Variants in PTPRA observed in about 807,000 individuals in gnomAD.
The protein encoded by PTPRA is receptor-type tyrosine-protein phosphatase alpha.
A neutral mutation model predicts 104.8 loss-of-function variants in PTPRA; 25 were observed. The ratio of observed to expected loss-of-function variants is 0.24; its 90% CI spans 0.17 to 0.33. PTPRA has a LOEUF of 0.33. PTPRA is among the 10% of genes least tolerant of loss of function. The pLI, the probability that PTPRA is intolerant of heterozygous loss-of-function variation, is 1.00. For missense variants in PTPRA, 765 were observed against 1,015.3 expected, an observed-to-expected ratio of 0.75 and a Z score of 3.35; for synonymous variants, 323 against 368.9, an observed-to-expected ratio of 0.88 and a Z score of 1.43.
intron 3 of PTPRA, among the ~76,000 whole-genome samples, chr20:2,957,023 C>T (rs751021069): frequency 1.3e-4 from 20 of 152,214 alleles, no homozygotes; most frequent in Admixed American, 3.3e-4. Context: ...CAGTGGCTCA[C>T]GCCTGTAATC....
intron 1 of PTPRA, among the ~76,000 whole-genome samples, chr20:2,910,796 G>A (rs1282597210): frequency 2.7e-5 from 4 of 150,430 alleles, no homozygotes; most frequent in African/African-American, 7.3e-5. Context: ...TAGTAGAGAC[G>A]GGGTTTCACT....
At chr20:2,971,109 C>G (rs1448908732) in intron 5 of PTPRA, among the ~76,000 whole-genome samples, 3 of 152,062 alleles carry the variant, frequency 2.0e-5, no homozygotes, top group Non-Finnish European at 4.4e-5. Context: ...ATTTAATATC[C>G]AGTAAAATGA....
intron 11 of PTPRA, among the ~76,000 whole-genome samples, chr20:3,013,262 C>CT (rs1394299306): frequency 1.3e-5 from 2 of 152,160 alleles, no homozygotes; most frequent in African/African-American, 2.4e-5. Flanking sequence ...AAAGTGGGGT[C>CT]TGTAGTTTGG....
intron 2 of PTPRA, among the ~76,000 whole-genome samples, chr20:2,942,057 A>G (rs569010075): frequency 1.5e-3 from 228 of 152,356 alleles, no homozygotes; most frequent in Middle Eastern, 6.8e-3. Context: ...TAGTAGAAGG[A>G]ACAGGGCCTA....
chr20:3,028,177 C>T (rs557578327), intron 20 of PTPRA, among the ~76,000 whole-genome samples: 1 of 150,410 alleles, frequency 6.6e-6, no homozygotes, highest in African/African-American at 2.5e-5. Flanking sequence ...TGCACAGTGC[C>T]CCAGGCGGGG....
chr20:2,956,330 T>G (rs2061534289), intron 3 of PTPRA, among the ~76,000 whole-genome samples: 1 of 152,204 alleles, frequency 6.6e-6, no homozygotes, highest in Non-Finnish European at 1.5e-5. Flanking sequence ...CACTGTAATG[T>G]ACAGGCCCCT....
intron 1 of PTPRA, among the ~76,000 whole-genome samples, chr20:2,904,446 G>A (rs994278472): frequency 4.0e-5 from 6 of 151,876 alleles, no homozygotes; most frequent in Non-Finnish European, 8.8e-5. Context: ...CGAGGTGGGC[G>A]GATCGTGAGG....
chr20:2,910,570 C>G (rs1442746771), intron 1 of PTPRA, among the ~76,000 whole-genome samples: 2 of 118,046 alleles, frequency 1.7e-5, no homozygotes, highest in Non-Finnish European at 3.4e-5. Context: ...TGCTATCATG[C>G]CCAGCTAGTT....
At chr20:2,914,679 A>G (rs1189370444) in intron 1 of PTPRA, among the ~76,000 whole-genome samples, 1 of 152,132 alleles carries the variant, frequency 6.6e-6, no homozygotes, top group African/African-American at 2.4e-5. Flanking sequence ...TGTGCATGCT[A>G]ACCTTGCTCA....
intron 6 of PTPRA, 111 bp downstream of exon 6, chr20:2,975,352 GT>G: frequency 1.0e-6 from 1 of 955,618 alleles, no homozygotes; most frequent in Non-Finnish European, 1.5e-6. Flanking sequence ...TGTGTTGTTT[GT>G]TTACTTTCCC....
intron 2 of PTPRA, among the ~76,000 whole-genome samples, chr20:2,927,467 T>C (rs1043888420): frequency 1.3e-5 from 2 of 152,220 alleles, no homozygotes; most frequent in African/African-American, 4.8e-5. Flanking sequence ...TGCCTGTTAT[T>C]ATAGTTTCAC....
In PTPRA at chr20:3,037,310, TC is replaced by T. The variant is rs750415127; in HGVS notation, c.2334+24del. 4 of 1,612,564 alleles carry T rather than the reference TC, an allele frequency of 2.5e-6. No homozygotes were observed. In the African/African-American group the frequency reaches 5.3e-5, roughly 22 times the overall value. The stretch of plus-strand genomic sequence containing the variant: ...CACTGGTATGCTGCCCACATATTTG[TC>T]CCTGCCACCACACCACCTGCAGCCC... On this transcript the variant is annotated intron_variant, in intron 23 of 23. Coordinates refer to ENST00000399903, the MANE Select transcript of PTPRA (RefSeq NM_001385305.1). This position sits in a 1 kb window ranked among gnomAD's most constrained non-coding sequence, Gnocchi z 4.3.
chr20:3,015,931 A>G, intron 12 of PTPRA, 46 bp downstream of exon 12: 2 of 1,521,752 alleles, frequency 1.3e-6, no homozygotes, highest in African/African-American at 1.4e-5. Context: ...CCATGATCAC[A>G]TAATGGGTTT....
chr20:2,993,996 C>T (rs1414538689), intron 9 of PTPRA, among the ~76,000 whole-genome samples: 1 of 152,154 alleles, frequency 6.6e-6, no homozygotes, highest in Non-Finnish European at 1.5e-5. Context: ...TGTGAAGCCA[C>T]CTCAGGCCAA....
intron 2 of PTPRA, among the ~76,000 whole-genome samples, chr20:2,946,859 A>AT (rs998928711): frequency 4.0e-5 from 6 of 150,976 alleles, no homozygotes; most frequent in African/African-American, 7.3e-5. Context: ...GAAAAAAAAA[A>AT]AATAATAATA....
intron 1 of PTPRA, among the ~76,000 whole-genome samples, chr20:2,893,055 A>G (rs939602513): frequency 1.3e-5 from 2 of 152,242 alleles, no homozygotes; most frequent in African/African-American, 2.4e-5. Context: ...ATGGTATCCA[A>G]CGGCTCTTGA....
At chr20:3,004,309 C>T (rs6132999) in intron 9 of PTPRA, among the ~76,000 whole-genome samples, 10,998 of 152,286 alleles carry the variant, frequency 0.072, 918 homozygotes, top group African/African-American at 0.19. Context: ...TGAGCCACTT[C>T]ACCCGGCCCC....
chr20:2,939,178 T>C (rs901678925), intron 2 of PTPRA, among the ~76,000 whole-genome samples: 4 of 152,168 alleles, frequency 2.6e-5, no homozygotes, highest in Non-Finnish European at 5.9e-5. Context: ...CTTATGCCTT[T>C]TGCTGTGTTG....
chr20:2,992,233 C>T (rs948081034), intron 9 of PTPRA, among the ~76,000 whole-genome samples: 4 of 152,140 alleles, frequency 2.6e-5, no homozygotes, highest in Admixed American at 6.6e-5. Flanking sequence ...ACCTAGTTTA[C>T]GAGACCGGCC....
Sources: gnomAD v4.1 joint callset for allele counts (sites outside exome capture counted in the v4.1 genomes callset) on GRCh38, gnomAD v4.1.1 for gene constraint, Gnocchi (gnomAD v3.1) non-coding constraint, MANE v1.5 for transcripts, NCBI Gene and HGNC (gene_info 2026-07-23, HGNC 2026-07-21) for gene names.